CTNNA2: variants seen among roughly 807,000 people sequenced by gnomAD.
The protein encoded by CTNNA2 is catenin alpha-2.
In CTNNA2, 42 loss-of-function variants were observed where a neutral mutation model predicts 101.0. The ratio of observed to expected loss-of-function variants is 0.42; its 90% CI spans 0.32 to 0.54. CTNNA2 has a LOEUF of 0.54. CTNNA2 is among the 20% of genes least tolerant of loss of function. CTNNA2 has a pLI of 0.14. For missense variants in CTNNA2, 871 were observed against 1,223.1 expected (o/e 0.71, Z 4.29); for synonymous variants, 450 against 456.4 (o/e 0.99, Z 0.18).
At chr2:80,234,983 C>T (rs1430114321) in intron 7 of CTNNA2, among the ~76,000 whole-genome samples, 1 of 151,952 alleles carries the variant, frequency 6.6e-6, no homozygotes, top group Non-Finnish European at 1.5e-5. Context: ...GCTGATTTGG[C>T]CTGCAGGCTA....
intron 1 of CTNNA2, among the ~76,000 whole-genome samples, chr2:79,537,542 T>C (rs1310733780): frequency 6.6e-6 from 1 of 152,296 alleles, no homozygotes; most frequent in Non-Finnish European, 1.5e-5. Flanking sequence ...AGGAGAAGAC[T>C]GGCTTCCTTG....
intron 1 of CTNNA2, among the ~76,000 whole-genome samples, chr2:79,543,742 C>A (rs972117915): frequency 6.6e-6 from 1 of 152,116 alleles, no homozygotes; most frequent in African/African-American, 2.4e-5. Flanking sequence ...GGAAATAAAA[C>A]ATTGTGTCCA....
intron 7 of CTNNA2, among the ~76,000 whole-genome samples, chr2:79,984,235 GCCTCTGTTTGGAAAC>G (rs1446552387): frequency 6.6e-6 from 1 of 152,164 alleles, no homozygotes; most frequent in Non-Finnish European, 1.5e-5. Context: ...GGCAACCAGG[GCCTCTGTTTGGAAAC>G]CCTCTTCAGA....
intron 1 of CTNNA2, among the ~76,000 whole-genome samples, chr2:79,545,091 C>T (rs1673650421): frequency 6.6e-6 from 1 of 152,200 alleles, no homozygotes; most frequent in South Asian, 2.1e-4. Flanking sequence ...AGCACCGTTG[C>T]AGAGACAGTT....
intron 3 of CTNNA2, among the ~76,000 whole-genome samples, chr2:79,763,731 C>T (rs1339296276): frequency 6.6e-6 from 1 of 152,128 alleles, no homozygotes; most frequent in Non-Finnish European, 1.5e-5. Context: ...TGAAAAGGAA[C>T]TTGACGGTTG....
intron 4 of CTNNA2, among the ~76,000 whole-genome samples, chr2:79,455,971 T>A (rs1211188378): frequency 3.3e-5 from 5 of 152,130 alleles, no homozygotes; most frequent in African/African-American, 1.2e-4. Flanking sequence ...GTTGAGAGTA[T>A]CCAGGTAAGA....
At chr2:80,218,689 A>G (rs766159097) in intron 7 of CTNNA2, among the ~76,000 whole-genome samples, 2 of 152,200 alleles carry the variant, frequency 1.3e-5, no homozygotes, top group Non-Finnish European at 2.9e-5. Context: ...GACATAATGC[A>G]TGTAAAGCCC....
At chr2:79,878,225 ATTTGG>A (rs1266640237) in intron 6 of CTNNA2, among the ~76,000 whole-genome samples, 1 of 152,184 alleles carries the variant, frequency 6.6e-6, no homozygotes, top group Non-Finnish European at 1.5e-5. Flanking sequence ...ATTGGTGGGC[ATTTGG>A]GTTGGTTCCA....
chr2:80,309,518 T>A (rs1204075294), intron 7 of CTNNA2, among the ~76,000 whole-genome samples: 1 of 152,162 alleles, frequency 6.6e-6, no homozygotes, highest in Non-Finnish European at 1.5e-5. Flanking sequence ...AAGACCTTGT[T>A]GGGATTTCTG....
intron 4 of CTNNA2, among the ~76,000 whole-genome samples, chr2:79,482,297 T>C (rs1671116926): frequency 6.6e-6 from 1 of 152,160 alleles, no homozygotes; most frequent in Non-Finnish European, 1.5e-5. Context: ...TACATTTCCT[T>C]GGAAAAGTAT....
At chr2:80,300,282 GTGT>G (rs1676149983) in intron 7 of CTNNA2, among the ~76,000 whole-genome samples, 2 of 8,796 alleles carry the variant, frequency 2.3e-4, no homozygotes. Context: ...GGGTGTTGGG[GTGT>G]GTGTGTGTGT....
In CTNNA2 at chr2:79,369,888, C is replaced by T. The variant is rs1004090635; in HGVS notation, c.-317-3943C>T. Among the ~76,000 whole-genome samples, 4 of 152,142 alleles carry T rather than the reference C, an allele frequency of 2.6e-5. No individual in the cohort carries two copies. The East Asian group carries it at 5.8e-4, about 22-fold the overall frequency. On this transcript the variant is annotated intron_variant, in intron 3 of 21. Coordinates refer to the CTNNA2 transcript ENST00000466387. ...GGGTTATTACAGTTATAATTGCTAGCGTGTAATTTCACAATTAATTTTCTT... is the reference window on the plus strand; with the variant it reads ...GGGTTATTACAGTTATAATTGCTAGTGTGTAATTTCACAATTAATTTTCTT...
At chr2:79,597,697 C>G (rs181617815) in intron 1 of CTNNA2, among the ~76,000 whole-genome samples, 1 of 152,168 alleles carries the variant, frequency 6.6e-6, no homozygotes, top group Admixed American at 6.5e-5. Flanking sequence ...TACCAAATAT[C>G]CCATCCCCAC....
chr2:79,975,523 G>A (rs1230068367), intron 7 of CTNNA2, among the ~76,000 whole-genome samples: 1 of 152,104 alleles, frequency 6.6e-6, no homozygotes, highest in Non-Finnish European at 1.5e-5. Context: ...TGAGGGCTCA[G>A]TCCCATGAGG....
chr2:80,255,466 A>C (rs1295569295), intron 7 of CTNNA2, among the ~76,000 whole-genome samples: 2 of 152,142 alleles, frequency 1.3e-5, no homozygotes, highest in African/African-American at 2.4e-5. Flanking sequence ...GCTGGGCTTC[A>C]GTCCCATATT....
intron 2 of CTNNA2, among the ~76,000 whole-genome samples, chr2:79,678,409 G>A (rs1683332936): frequency 6.6e-6 from 1 of 151,950 alleles, no homozygotes; most frequent in Non-Finnish European, 1.5e-5. Flanking sequence ...TGGGTGTGGT[G>A]ATGTAGTTCC....
intron 7 of CTNNA2, among the ~76,000 whole-genome samples, chr2:80,254,992 A>C (rs1672028335): frequency 1.3e-5 from 2 of 152,208 alleles, no homozygotes; most frequent in Middle Eastern, 3.4e-3. Context: ...GAAATTGAAC[A>C]TAATGAGCTC....
At chr2:80,635,860 C>A (rs1362085196) in intron 18 of CTNNA2, among the ~76,000 whole-genome samples, 1 of 151,862 alleles carries the variant, frequency 6.6e-6, no homozygotes, top group Admixed American at 6.6e-5. Flanking sequence ...GTTAAGGATA[C>A]CAATGAAGAA....
chr2:79,825,104 G>T (rs986715213), intron 3 of CTNNA2, among the ~76,000 whole-genome samples: 1 of 152,126 alleles, frequency 6.6e-6, no homozygotes, highest in African/African-American at 2.4e-5. Context: ...TGGGAAGAAC[G>T]CTTGAGCCCA....
Sources: allele counts gnomAD v4.1 joint callset (sites outside exome capture counted in the v4.1 genomes callset), GRCh38; gene constraint gnomAD v4.1.1; transcripts MANE v1.5; gene names NCBI Gene and HGNC (gene_info 2026-07-23, HGNC 2026-07-21).